Variants in GSE1 observed in about 807,000 individuals in gnomAD.
GSE1 encodes the protein genetic suppressor element 1.
Under a neutral mutation model 112.6 loss-of-function variants are expected in GSE1, and 32 were observed. That is an observed-to-expected ratio of 0.28 (90% confidence interval 0.21 to 0.38). The LOEUF (loss-of-function observed/expected upper bound fraction) is 0.38. Among genes scored for constraint, GSE1 ranks in the 10% least tolerant of loss-of-function variants. GSE1 has a pLI of 1.00. For synonymous variants in GSE1, 1,115 were observed against 735.6 expected (o/e 1.52, Z -8.35); for missense variants, 2,348 against 1,699.2 (o/e 1.38, Z -6.71).
intron 1 of GSE1, among the ~76,000 whole-genome samples, chr16:85,344,992 C>G (rs917202781): frequency 2.6e-5 from 4 of 152,258 alleles, no homozygotes; most frequent in Non-Finnish European, 5.9e-5. Context: ...CTCAGCCGCC[C>G]CCTCCCACAG....
At chr16:85,652,802 C>A (rs1009649401) in intron 3 of GSE1, among the ~76,000 whole-genome samples, 3 of 152,190 alleles carry the variant, frequency 2.0e-5, no homozygotes, top group African/African-American at 7.2e-5. Context: ...CCTGGGCCAT[C>A]ATTCCTGCTG....
chr16:85,263,214 CATG>C (rs1389465049), intron 1 of GSE1, among the ~76,000 whole-genome samples: 2 of 152,092 alleles, frequency 1.3e-5, no homozygotes, highest in Non-Finnish European at 2.9e-5. Flanking sequence ...TCATCATCAT[CATG>C]ATGTTAGCAT....
At chr16:85,481,088 C>T (rs993457319) in intron 2 of GSE1, among the ~76,000 whole-genome samples, 2 of 152,214 alleles carry the variant, frequency 1.3e-5, no homozygotes, top group Non-Finnish European at 2.9e-5. Flanking sequence ...CCAACCGGCC[C>T]TGACACCTGC....
rs564357033 is a variant in GSE1, at chr16:85,635,532, T to G, written c.226+1400T>G. Reference sequence around the variant, plus strand: ...TCTCTGGGGCGGTGAACAAGGCAGCTGGGGACAGACCCTGGGAGGAAGCTG... The same window carrying G: ...TCTCTGGGGCGGTGAACAAGGCAGCGGGGGACAGACCCTGGGAGGAAGCTG... On this transcript the variant is annotated intron_variant, in intron 2 of 15. Coordinates refer to ENST00000253458, the MANE Select transcript of GSE1 (RefSeq NM_014615.5). 7.9e-5 allele frequency among the ~76,000 whole-genome samples: 12 copies of G among 152,258 alleles called. 1 individual carries two copies. In the East Asian group the frequency reaches 2.1e-3, roughly 27 times the overall value.
At chr16:85,364,537 G>T (rs1483071160) in intron 2 of GSE1, among the ~76,000 whole-genome samples, 1 of 152,232 alleles carries the variant, frequency 6.6e-6, no homozygotes, top group African/African-American at 2.4e-5. Context: ...GTAACAGACA[G>T]TCCCAGGGTT....
At chr16:85,179,082 C>A (rs1264082358) in intron 1 of GSE1, among the ~76,000 whole-genome samples, 1 of 152,128 alleles carries the variant, frequency 6.6e-6, no homozygotes, top group Non-Finnish European at 1.5e-5. Flanking sequence ...CGAAGTTGTG[C>A]ACCACCATGA....
intron 11 of GSE1, 96 bp from the exon 12 acceptor site, chr16:85,664,919 T>A: frequency 1.2e-6 from 1 of 824,716 alleles, no homozygotes; most frequent in Non-Finnish European, 2.0e-6. Flanking sequence ...GCTTTAGTGC[T>A]TTGCCTGCCC....
chr16:85,483,237 C>G (rs80299353), intron 2 of GSE1, among the ~76,000 whole-genome samples: 2,855 of 152,370 alleles, frequency 0.019, 41 homozygotes, highest in Non-Finnish European at 0.026. Flanking sequence ...AAAAGCGAGG[C>G]TCTCTGTCCC....
At chr16:85,330,503 C>T (rs561037853) in intron 1 of GSE1, among the ~76,000 whole-genome samples, 5 of 152,208 alleles carry the variant, frequency 3.3e-5, no homozygotes, top group Non-Finnish European at 5.9e-5. Flanking sequence ...TGTTCGTGGT[C>T]GCATGTTACA....
chr16:85,466,481 C>T (rs1478499814), intron 2 of GSE1, among the ~76,000 whole-genome samples: 1 of 152,198 alleles, frequency 6.6e-6, no homozygotes, highest in East Asian at 1.9e-4. Context: ...CGCACACTGG[C>T]AGCTGAGCTC....
At chr16:85,222,298 G>T (rs1001527839) in intron 1 of GSE1, among the ~76,000 whole-genome samples, 2 of 152,218 alleles carry the variant, frequency 1.3e-5, no homozygotes, top group Non-Finnish European at 2.9e-5. Flanking sequence ...CCCAGGTCCC[G>T]GGCTGGGGCC....
intron 1 of GSE1, among the ~76,000 whole-genome samples, chr16:85,349,964 CTG>C (rs2046821169): frequency 6.6e-6 from 1 of 152,222 alleles, no homozygotes; most frequent in African/African-American, 2.4e-5. Flanking sequence ...GCCCTGGACA[CTG>C]TGCGGGGACT....
chr16:85,449,576 G>A (rs955125960), intron 2 of GSE1, among the ~76,000 whole-genome samples: 1 of 152,236 alleles, frequency 6.6e-6, no homozygotes, highest in Non-Finnish European at 1.5e-5. Context: ...CGGAGTGGGC[G>A]GCAGCTCCTG....
At chr16:85,590,837 CCT>C (rs1415843556) in intron 1 of GSE1, among the ~76,000 whole-genome samples, 1 of 152,218 alleles carries the variant, frequency 6.6e-6, no homozygotes, top group Non-Finnish European at 1.5e-5. Context: ...TCTTGGGACC[CCT>C]CTTTTCCGTC....
chr16:85,169,808 G>A (rs2074329177), exon 1 of GSE1: 1 of 984,376 alleles, frequency 1.0e-6, no homozygotes, highest in Non-Finnish European at 1.2e-6. Context: ...TGCTTCCTGG[G>A]CGAGCAGTGG....
intron 1 of GSE1, among the ~76,000 whole-genome samples, chr16:85,216,881 C>T (rs2075314194): frequency 6.6e-6 from 1 of 152,226 alleles, no homozygotes; most frequent in South Asian, 2.1e-4. Context: ...CTACAGAACT[C>T]AGTTTCCCCA....
intron 1 of GSE1, among the ~76,000 whole-genome samples, chr16:85,313,406 G>T (rs528296142): frequency 2.4e-4 from 36 of 152,292 alleles, no homozygotes; most frequent in African/African-American, 8.7e-4. Context: ...TGGAAGTCTC[G>T]GATTGGCTTG....
At chr16:85,459,032 C>T (rs73263154) in intron 2 of GSE1, among the ~76,000 whole-genome samples, 3,449 of 152,284 alleles carry the variant, frequency 0.023, 125 homozygotes, top group African/African-American at 0.079. Flanking sequence ...CCACCCTGTG[C>T]CTAGGGCCTT....
In GSE1 at chr16:85,657,470, G is replaced by A. The variant is rs2052061936; in HGVS notation, c.1506G>A (p.Arg502=). 6.2e-7 allele frequency: 1 copy of A among 1,608,634 alleles called. No individual in the cohort carries two copies. The highest frequency in any genetic ancestry group is 8.5e-7 in the Non-Finnish European group (1 of 1,178,216). Residue 502 remains arginine, a synonymous_variant, in exon 8 of 16, where the codon CGG becomes CGA. Transcript: ENST00000253458. Reference sequence around the variant, plus strand: ...AGGAGAAGTGGCTGGCGCGGCAGCGGCGGCTGCGGCAGGAGAAGGAGGACC... The same window carrying A: ...AGGAGAAGTGGCTGGCGCGGCAGCGACGGCTGCGGCAGGAGAAGGAGGACC... ...NEEEKWLARQ[R]RLRQEKEDRQ...
Sources: gnomAD v4.1 joint callset for allele counts (sites outside exome capture counted in the v4.1 genomes callset) on GRCh38, gnomAD v4.1.1 for gene constraint, MANE v1.5 for transcripts, NCBI Gene and HGNC (gene_info 2026-07-23, HGNC 2026-07-21) for gene names.